Variants in ZZEF1 observed in about 807,000 individuals in gnomAD.
ZZEF1 encodes the protein zinc finger ZZ-type and EF-hand domain containing 1.
Under a neutral mutation model 342.8 loss-of-function variants are expected in ZZEF1, and 157 were observed. The ratio of observed to expected loss-of-function variants is 0.46; its 90% CI spans 0.40 to 0.52. The LOEUF is 0.52. Among genes scored for constraint, ZZEF1 ranks in the 20% least tolerant of loss-of-function variants. The pLI, the probability that ZZEF1 is intolerant of heterozygous loss-of-function variation, is 0.00. For missense variants in ZZEF1, 3,480 were observed against 3,725.6 expected, an observed-to-expected ratio of 0.93 and a Z score of 1.72; for synonymous variants, 1,505 against 1,429.1, an observed-to-expected ratio of 1.05 and a Z score of -1.20.
intron 25 of ZZEF1, among the ~76,000 whole-genome samples, 154 bp downstream of exon 25, chr17:4,072,454 C>T (rs564509633): frequency 6.6e-6 from 1 of 152,160 alleles, no homozygotes. Context: ...GACACGGTGG[C>T]GTTAACAAGT....
At chr17:4,054,618 A>G (rs2057117618) in intron 33 of ZZEF1, among the ~76,000 whole-genome samples, 1 of 152,258 alleles carries the variant, frequency 6.6e-6, no homozygotes, top group Admixed American at 6.5e-5. Context: ...TGAAACTGGC[A>G]TGACTCAGTG....
rs1387422100 is a variant in ZZEF1 at position 4,074,150 on chromosome 17, G to GGAT, written c.3684_3685insATC (p.Arg1228_Gln1229insIle). 27 of 1,613,512 alleles carry GGAT rather than the reference G, an allele frequency of 1.7e-5. No individual in the cohort carries two copies. The highest frequency in any genetic ancestry group is 2.2e-5 in the Non-Finnish European group (26 of 1,179,872). On this transcript the variant is annotated inframe_insertion and splice_region_variant, in exon 24 of 55. Transcript: ENST00000381638. ...GGAAAGCACAGGGATGTGCACTTAC[G>GGAT]GCGCACAGACTTGAGCGCCATGCAC...
At chr17:4,051,188 G>T in intron 35 of ZZEF1, 145 bp from the exon 36 acceptor site, 1 of 1,042,538 alleles carries the variant, frequency 9.6e-7, no homozygotes. Flanking sequence ...TGTAAAGAAA[G>T]GTGTGGGCCC....
chr17:4,011,222 C>T (rs758373752), intron 52 of ZZEF1, among the ~76,000 whole-genome samples: 8 of 151,762 alleles, frequency 5.3e-5, no homozygotes, highest in African/African-American at 9.7e-5. Flanking sequence ...GGCAACATGG[C>T]GAAACCCCAT....
In ZZEF1 at chr17:4,109,763, G is replaced by A. The variant is rs142853783; in HGVS notation, c.1167C>T (p.Val389=). 6.2e-7 allele frequency: 1 copy of A among 1,614,052 alleles called. No individual in the cohort carries two copies. The highest frequency in any genetic ancestry group is 8.5e-7 in the Non-Finnish European group (1 of 1,180,038). ...VGFQRVKKSG[V]SVSDASAIWY... ...ATATTGCAGAAGCATCTGAGACTGAGACCCCAGACTTCTTAACTCTCTGAA... is the reference window on the plus strand; with the variant it reads ...ATATTGCAGAAGCATCTGAGACTGAAACCCCAGACTTCTTAACTCTCTGAA... The change falls in exon 6 of 55, where the codon GTC becomes GTT. Residue 389 remains valine, a synonymous_variant. Coordinates refer to ENST00000381638, the MANE Select transcript of ZZEF1 (RefSeq NM_015113.4).
At chr17:4,046,902 C>T (rs966097486) in intron 37 of ZZEF1, among the ~76,000 whole-genome samples, 4 of 152,158 alleles carry the variant, frequency 2.6e-5, no homozygotes, top group African/African-American at 9.7e-5. Context: ...GATACCCTTA[C>T]CAGGGCCCTG....
At position 4,062,876 on chromosome 17, in the gene ZZEF1, C is replaced by T. The variant is rs558174324; in HGVS notation, c.4760G>A (p.Ser1587Asn). Reference sequence around the variant, plus strand: ...AGTTATCTTCAGGACTTCCAGGATGCTCTGGGCCTGGGCTTTCCTCAGGGA... The same window carrying T: ...AGTTATCTTCAGGACTTCCAGGATGTTCTGGGCCTGGGCTTTCCTCAGGGA... ...VLSLRKAQAQSILEVLKITQH... is the reference protein window; with the variant it reads ...VLSLRKAQAQNILEVLKITQH... Residue 1587 changes from serine to asparagine, a missense_variant, in exon 30 of 55, where the codon AGC (serine) becomes AAC (asparagine). This residue lies in a region of ZZEF1 where 1,528 missense variants were observed against 1,624.1 expected (regional missense o/e 0.94). Coordinates refer to ENST00000381638, the MANE Select transcript of ZZEF1 (RefSeq NM_015113.4). 13 of 1,612,930 alleles carry T rather than the reference C, an allele frequency of 8.1e-6. No homozygotes were observed. In the African/African-American group the frequency reaches 9.3e-5, roughly 12 times the overall value.
At chr17:4,077,374 C>T (rs1467714781) in intron 19 of ZZEF1, among the ~76,000 whole-genome samples, 1 of 152,192 alleles carries the variant, frequency 6.6e-6, no homozygotes, top group Non-Finnish European at 1.5e-5. Context: ...GTTTTCGTCA[C>T]AGCTGCTGGG....
Position 4,008,890 on chromosome 17 carries a change from G to A in ZZEF1, c.8798C>T (p.Ala2933Val), listed in dbSNP as rs377709158. 2.3e-5 allele frequency: 36 copies of A among 1,546,630 alleles called. 1 individual carries two copies. Among genetic ancestry groups the A allele is most frequent in the South Asian group, 1.3e-4 (11 of 84,174 alleles). ...TTGGGGTGGAGAGAGTACCTGTGCCGCACAGCGGAGAAGGTGGTCGTCCGT... is the reference window on the plus strand; with the variant it reads ...TTGGGGTGGAGAGAGTACCTGTGCCACACAGCGGAGAAGGTGGTCGTCCGT... ...LTTDDHLLRC[A>V]AQALQNIAAI... Residue 2933 changes from alanine to valine, a missense_variant, in exon 54 of 55, where the codon GCG becomes GTG. Ala to Val is a moderately conservative substitution (Grantham distance 64, BLOSUM62 0). Transcript: ENST00000381638. The surrounding 1 kb of genome is among the most constrained non-coding windows in gnomAD (Gnocchi z 4.2).
intron 52 of ZZEF1, among the ~76,000 whole-genome samples, chr17:4,012,028 C>T (rs62072393): frequency 0.12 from 17,890 of 152,232 alleles, 1,197 homozygotes; most frequent in South Asian, 0.2. Flanking sequence ...CCTCCGGGCT[C>T]GGGACAGAGG....
At position 4,018,479 on chromosome 17, in the gene ZZEF1, T is replaced by C. The variant is rs561260190; in HGVS notation, c.7506-508A>G. 4.6e-4 allele frequency among the ~76,000 whole-genome samples: 70 copies of C among 152,158 alleles called. 1 individual carries two copies. In the South Asian group the frequency reaches 8.9e-3, roughly 19 times the overall value. On this transcript the variant is annotated intron_variant, in intron 46 of 54. Transcript: ENST00000381638. ...AAATGAGCAAAGAGTGATCCCCGAA[T>C]TGGGCAGCTCCTGAATCAGAATGGG...
Position 4,139,778 on chromosome 17 carries a change from C to G in ZZEF1, c.354+2764G>C, listed in dbSNP as rs187631456. 2.3e-4 allele frequency among the ~76,000 whole-genome samples: 35 copies of G among 152,348 alleles called. 1 individual carries two copies. The East Asian group carries it at 4.0e-3, about 18-fold the overall frequency. On this transcript the variant is annotated intron_variant, in intron 1 of 54. Transcript: ENST00000381638. ...AGCCTCACTCACAGAACTGTATGAC[C>G]TAGCTATGTGAATCAAAGACTGCCA... is the stretch of plus-strand genomic sequence containing the variant.
chr17:4,120,638 C>G (rs975284530), intron 2 of ZZEF1, among the ~76,000 whole-genome samples: 3 of 152,106 alleles, frequency 2.0e-5, no homozygotes, highest in Non-Finnish European at 4.4e-5. Flanking sequence ...CTGTTTTGCT[C>G]AAAACCTATG....
chr17:4,122,953 T>G (rs2058508352), intron 2 of ZZEF1, among the ~76,000 whole-genome samples: 1 of 147,062 alleles, frequency 6.8e-6, no homozygotes, highest in Non-Finnish European at 1.5e-5. Context: ...GGAGTCTCGC[T>G]TTGTTGCCCT....
intron 28 of ZZEF1, 37 bp from the exon 29 acceptor site, chr17:4,064,866 A>AAAGTTAAAATT: frequency 2.7e-6 from 4 of 1,495,916 alleles, no homozygotes; most frequent in Non-Finnish European, 2.7e-6. Context: ...AAAAAAAAAA[A>AAAGTTAAAATT]AGTTAAAATT....
chr17:4,048,367 G>A (rs528299423), intron 37 of ZZEF1, among the ~76,000 whole-genome samples: 2 of 152,146 alleles, frequency 1.3e-5, no homozygotes, highest in South Asian at 4.1e-4. Flanking sequence ...CATGAGAATG[G>A]GACCTTGGTG....
chr17:4,138,688 T>A (rs977025792), intron 1 of ZZEF1, among the ~76,000 whole-genome samples: 8 of 152,310 alleles, frequency 5.3e-5, no homozygotes, highest in African/African-American at 1.7e-4. Context: ...AACCTATTCA[T>A]ATGAAATTTC....
chr17:4,104,824 A>G lies in ZZEF1; in HGVS notation c.1395-13T>C. 1.2e-6 allele frequency: 2 copies of G among 1,605,528 alleles called. No homozygotes were observed. The highest frequency in any genetic ancestry group is 1.7e-6 in the Non-Finnish European group (2 of 1,177,252). ...GGTAGAACAGCAGCTATAAGCAAAG[A>G]GCAAAAACTTTTCACTTCTTAAAAA... is the stretch of plus-strand genomic sequence containing the variant. On this transcript the variant is annotated splice_polypyrimidine_tract_variant and intron_variant, in intron 7 of 54. Coordinates refer to ENST00000381638, the MANE Select transcript of ZZEF1 (RefSeq NM_015113.4).
At chr17:4,116,745 C>A (rs898597538) in intron 3 of ZZEF1, among the ~76,000 whole-genome samples, 2 of 152,094 alleles carry the variant, frequency 1.3e-5, no homozygotes, top group African/African-American at 4.8e-5. Flanking sequence ...TTAGATAAAG[C>A]GGAAAGGCAT....
Sources: gnomAD v4.1 joint callset for allele counts (sites outside exome capture counted in the v4.1 genomes callset) on GRCh38, gnomAD v4.1.1 for gene constraint, gnomAD v4.1.1 regional missense constraint, Gnocchi (gnomAD v3.1) non-coding constraint, MANE v1.5 for transcripts, NCBI Gene and HGNC (gene_info 2026-07-23, HGNC 2026-07-21) for gene names.